SLC44A5: variants seen among roughly 807,000 people sequenced by gnomAD.
SLC44A5 encodes solute carrier family 44 member 5.
A neutral mutation model predicts 101.8 loss-of-function variants in SLC44A5; 57 were observed. The ratio of observed to expected loss-of-function variants is 0.56; its 90% CI spans 0.45 to 0.70. The LOEUF (loss-of-function observed/expected upper bound fraction) is 0.70, where lower values mean the gene tolerates loss of function less well. SLC44A5 is among the 30% of genes least tolerant of loss of function. The pLI, the probability that SLC44A5 is intolerant of heterozygous loss-of-function variation, is 0.00. For synonymous variants in SLC44A5, 281 were observed against 290.9 expected (o/e 0.97, Z 0.35); for missense variants, 737 against 853.1 (o/e 0.86, Z 1.70).
intron 6 of SLC44A5, among the ~76,000 whole-genome samples, chr1:75,264,628 T>C (rs1376822722): frequency 1.3e-5 from 2 of 151,902 alleles, no homozygotes; most frequent in African/African-American, 4.8e-5. Context: ...TCAAAACTGA[T>C]GGAATAGAGA....
the SLC44A5 span, among the ~76,000 whole-genome samples, chr1:75,697,310 G>C: frequency 2.0e-5 from 3 of 152,224 alleles, no homozygotes; most frequent in African/African-American, 4.8e-5. Context: ...TGTGACAAAG[G>C]CCATGCTAGA....
intron 2 of SLC44A5, among the ~76,000 whole-genome samples, chr1:75,449,529 A>T (rs1213984674): frequency 6.6e-6 from 1 of 152,140 alleles, no homozygotes; most frequent in Admixed American, 6.5e-5. Context: ...CTTTGCGGGA[A>T]TCTTCCTCAC....
the SLC44A5 span, among the ~76,000 whole-genome samples, chr1:75,637,785 A>C: frequency 1.3e-5 from 2 of 152,044 alleles, no homozygotes; most frequent in Non-Finnish European, 2.9e-5. Flanking sequence ...CAAATTAAAA[A>C]ATATTTTATT....
chr1:75,705,773 C>T, the SLC44A5 span, among the ~76,000 whole-genome samples: 1,506 of 152,128 alleles, frequency 9.9e-3, 10 homozygotes, highest in Non-Finnish European at 0.016. Flanking sequence ...CACCCTGCAC[C>T]GGGTTCAAGT....
At chr1:75,678,170 A>C in the SLC44A5 span, among the ~76,000 whole-genome samples, 1,023 of 152,252 alleles carry the variant, frequency 6.7e-3, 16 homozygotes, top group Admixed American at 0.037. Flanking sequence ...TGCAAGGCTG[A>C]AGCGAGGCTG....
chr1:75,619,376 T>TAG, the SLC44A5 span, among the ~76,000 whole-genome samples: 1 of 152,154 alleles, frequency 6.6e-6, no homozygotes, highest in African/African-American at 2.4e-5. Flanking sequence ...CGTTGCTGTA[T>TAG]AGATGTACTT....
chr1:75,503,234 T>C (rs1474090713), intron 2 of SLC44A5, among the ~76,000 whole-genome samples: 1 of 152,126 alleles, frequency 6.6e-6, no homozygotes, highest in African/African-American at 2.4e-5. Flanking sequence ...AATTTATAGT[T>C]GTGGAGTCAC....
At chr1:75,469,907 A>G (rs1362173631) in intron 2 of SLC44A5, among the ~76,000 whole-genome samples, 1 of 83,580 alleles carries the variant, frequency 1.2e-5, no homozygotes, top group Non-Finnish European at 2.6e-5. Flanking sequence ...GAAGAAAAAA[A>G]AAAAAAAAAA....
chr1:75,396,719 T>A, intron 2 of SLC44A5, 98 bp from the exon 3 acceptor site: 1 of 913,164 alleles, frequency 1.1e-6, no homozygotes, highest in Non-Finnish European at 1.8e-6. Context: ...TCTTAGTCTT[T>A]AGACTAACAC....
At chr1:75,582,064 G>A in intron 1 of SLC44A5, 1 of 690,778 alleles carries the variant, frequency 1.4e-6, no homozygotes, top group Admixed American at 2.0e-5. Flanking sequence ...TCACTTCCAG[G>A]CGCTTCAGGA....
intron 3 of SLC44A5, among the ~76,000 whole-genome samples, chr1:75,390,268 A>T (rs548246508): frequency 6.6e-6 from 1 of 152,200 alleles, no homozygotes; most frequent in South Asian, 2.1e-4. Context: ...AAACTATTCC[A>T]AAAAATCAAG....
chr1:75,697,712 G>A, the SLC44A5 span, among the ~76,000 whole-genome samples: 32 of 152,200 alleles, frequency 2.1e-4, no homozygotes, highest in Non-Finnish European at 3.8e-4. Flanking sequence ...GCAGAAGACG[G>A]GCGATTTCTG....
intron 3 of SLC44A5, among the ~76,000 whole-genome samples, chr1:75,395,219 G>A (rs1224552116): frequency 6.6e-6 from 1 of 152,012 alleles, no homozygotes; most frequent in East Asian, 1.9e-4. Flanking sequence ...CAAGGTATAT[G>A]AATAAAAACA....
At chr1:75,279,385 C>A (rs1652201328) in intron 5 of SLC44A5, among the ~76,000 whole-genome samples, 1 of 152,044 alleles carries the variant, frequency 6.6e-6, no homozygotes, top group African/African-American at 2.4e-5. Context: ...GAGTAAGCCA[C>A]CTTGAAGGCA....
intron 5 of SLC44A5, among the ~76,000 whole-genome samples, chr1:75,290,959 G>C (rs1313405934): frequency 6.6e-6 from 1 of 152,180 alleles, no homozygotes; most frequent in Non-Finnish European, 1.5e-5. Flanking sequence ...CTATGAATTG[G>C]AAGGAGAGTA....
At chr1:75,577,568 C>T (rs1351488356) in intron 1 of SLC44A5, among the ~76,000 whole-genome samples, 2 of 152,176 alleles carry the variant, frequency 1.3e-5, no homozygotes, top group African/African-American at 4.8e-5. Flanking sequence ...TAAATACCTT[C>T]TTAAAATGAA....
chr1:75,558,499 G>A lies in SLC44A5; in HGVS notation c.-69-16983C>T, dbSNP rs577352413. Among the ~76,000 whole-genome samples, 384 of 152,134 alleles carry A rather than the reference G, an allele frequency of 2.5e-3. 4 individuals carry two copies. The highest frequency in any genetic ancestry group is 8.9e-3 in the African/African-American group (368 of 41,528). ...TCTACATGCATAGCAAGTACACACCGTTGATTTGCCATTCCACTCAGAGAA... is the reference window on the plus strand; with the variant it reads ...TCTACATGCATAGCAAGTACACACCATTGATTTGCCATTCCACTCAGAGAA... On this transcript the variant is annotated intron_variant, in intron 1 of 23. Coordinates refer to ENST00000370859, the MANE Select transcript of SLC44A5 (RefSeq NM_001130058.2).
intron 2 of SLC44A5, among the ~76,000 whole-genome samples, chr1:75,479,735 G>A (rs1450023428): frequency 7.9e-5 from 12 of 152,166 alleles, no homozygotes; most frequent in Middle Eastern, 3.2e-3. Context: ...CCAATAACAG[G>A]CTCTGAAATT....
chr1:75,634,669 G>A, the SLC44A5 span, among the ~76,000 whole-genome samples: 51 of 150,868 alleles, frequency 3.4e-4, no homozygotes, highest in African/African-American at 1.2e-3. Flanking sequence ...AATTCAAGAT[G>A]GATTAAAGAC....
Sources: gnomAD v4.1 joint callset for allele counts (sites outside exome capture counted in the v4.1 genomes callset) on GRCh38, gnomAD v4.1.1 for gene constraint, MANE v1.5 for transcripts, NCBI Gene and HGNC (gene_info 2026-07-23, HGNC 2026-07-21) for gene names.